PRKD1: variants seen among roughly 807,000 people sequenced by gnomAD.
PRKD1 encodes the protein protein kinase D1, also known as serine/threonine-protein kinase D1.
In PRKD1, 63 loss-of-function variants were observed where a neutral mutation model predicts 95.9. That is an observed-to-expected ratio of 0.66 (90% CI 0.54 to 0.81). The LOEUF (loss-of-function observed/expected upper bound fraction) is 0.81, where lower values mean the gene tolerates loss of function less well. Among genes scored for constraint, PRKD1 ranks in the 30% least tolerant of loss-of-function variants. The pLI, the probability that PRKD1 is intolerant of heterozygous loss-of-function variation, is 0.00. For missense variants in PRKD1, 1,048 were observed against 1,165.3 expected, an observed-to-expected ratio of 0.90 and a Z score of 1.47; for synonymous variants, 425 against 423.1, an observed-to-expected ratio of 1.00 and a Z score of -0.05.
chr14:29,876,159 C>A (rs977480893), intron 1 of PRKD1, among the ~76,000 whole-genome samples: 1 of 152,220 alleles, frequency 6.6e-6, no homozygotes, highest in African/African-American at 2.4e-5. Flanking sequence ...ATTCACTATT[C>A]AAACATTCTC....
intron 1 of PRKD1, among the ~76,000 whole-genome samples, chr14:29,838,403 T>C (rs752009020): frequency 2.8e-4 from 43 of 152,292 alleles, no homozygotes; most frequent in Admixed American, 5.9e-4. Context: ...ATTAAGGAAT[T>C]AAAAATTACA....
chr14:29,663,516 T>C (rs965086519), intron 4 of PRKD1, among the ~76,000 whole-genome samples, 183 bp downstream of exon 4: 2 of 152,118 alleles, frequency 1.3e-5, no homozygotes, highest in African/African-American at 4.8e-5. Context: ...AAAAGCAAAC[T>C]CAAAACTGTT....
chr14:29,600,981 AC>A (rs1893496295), intron 13 of PRKD1, among the ~76,000 whole-genome samples: 1 of 152,230 alleles, frequency 6.6e-6, no homozygotes, highest in African/African-American at 2.4e-5. Flanking sequence ...ATCATCATGA[AC>A]AAAAACCACC....
chr14:29,661,134 A>G (rs1371842102), intron 4 of PRKD1, among the ~76,000 whole-genome samples: 2 of 152,210 alleles, frequency 1.3e-5, no homozygotes, highest in East Asian at 3.9e-4. Context: ...ATGGATAAAC[A>G]AACAGAATTA....
chr14:29,615,734 G>C (rs928259448), intron 13 of PRKD1, among the ~76,000 whole-genome samples: 1 of 152,136 alleles, frequency 6.6e-6, no homozygotes, highest in African/African-American at 2.4e-5. Context: ...CGGCCCAAAG[G>C]CTCAGCAAAT....
intron 1 of PRKD1, among the ~76,000 whole-genome samples, chr14:29,883,772 G>T (rs1283059406): frequency 1.3e-5 from 2 of 152,150 alleles, no homozygotes; most frequent in African/African-American, 2.4e-5. Flanking sequence ...AGACCCCCAA[G>T]ATTGGAAACA....
chr14:29,877,037 A>C (rs2139388097), intron 1 of PRKD1, among the ~76,000 whole-genome samples: 1 of 152,276 alleles, frequency 6.6e-6, no homozygotes, highest in East Asian at 1.9e-4. Flanking sequence ...CTGTAACCCC[A>C]ACTACTCGCG....
At chr14:29,906,217 G>A (rs1179993514) in intron 1 of PRKD1, among the ~76,000 whole-genome samples, 5 of 152,026 alleles carry the variant, frequency 3.3e-5, no homozygotes, top group Admixed American at 1.3e-4. Flanking sequence ...ATTTTTTAAA[G>A]TAAGCGTTAA....
chr14:29,631,516 C>A (rs1478812688), intron 9 of PRKD1, among the ~76,000 whole-genome samples: 2 of 129,580 alleles, frequency 1.5e-5, no homozygotes, highest in African/African-American at 6.6e-5. Context: ...TTTTTTTTTT[C>A]CAAGAAAGAA....
chr14:29,686,563 G>A (rs1047255556), intron 2 of PRKD1, among the ~76,000 whole-genome samples: 8 of 152,176 alleles, frequency 5.3e-5, no homozygotes, highest in African/African-American at 1.7e-4. Context: ...TGGGGCTGGG[G>A]CCTTGCTATT....
intron 1 of PRKD1, among the ~76,000 whole-genome samples, chr14:29,884,926 T>C (rs1467535040): frequency 6.6e-6 from 1 of 151,866 alleles, no homozygotes; most frequent in African/African-American, 2.4e-5. Context: ...ATCAAGACCA[T>C]CCTGGCTAAC....
At chr14:29,670,082 A>T (rs928488696) in intron 2 of PRKD1, among the ~76,000 whole-genome samples, 3 of 152,228 alleles carry the variant, frequency 2.0e-5, no homozygotes, top group African/African-American at 7.2e-5. Flanking sequence ...GCTAAAAGCA[A>T]GCCTTTAAAA....
At chr14:29,896,510 C>A (rs978487897) in intron 1 of PRKD1, among the ~76,000 whole-genome samples, 1 of 151,932 alleles carries the variant, frequency 6.6e-6, no homozygotes, top group East Asian at 1.9e-4. Context: ...AGTAAATCAT[C>A]AGAAAAATAA....
intron 1 of PRKD1, among the ~76,000 whole-genome samples, chr14:29,871,989 T>G (rs1893124919): frequency 6.6e-6 from 1 of 152,220 alleles, no homozygotes; most frequent in Non-Finnish European, 1.5e-5. Flanking sequence ...CACCTGCATA[T>G]ATGGAAAATG....
At chr14:29,828,490 A>C (rs1891282630) in intron 1 of PRKD1, among the ~76,000 whole-genome samples, 1 of 152,138 alleles carries the variant, frequency 6.6e-6, no homozygotes, top group South Asian at 2.1e-4. Context: ...ACATTTCGAC[A>C]GGAGACTTGG....
At chr14:29,924,645 T>C (rs917815417) in intron 1 of PRKD1, among the ~76,000 whole-genome samples, 7 of 152,208 alleles carry the variant, frequency 4.6e-5, no homozygotes, top group Admixed American at 1.3e-4. Flanking sequence ...TCCACACGAC[T>C]TCAGCCCACA....
At chr14:29,830,649 A>G (rs1891368704) in intron 1 of PRKD1, among the ~76,000 whole-genome samples, 2 of 152,118 alleles carry the variant, frequency 1.3e-5, no homozygotes, top group African/African-American at 4.8e-5. Flanking sequence ...AAATATACTA[A>G]GCTTAACATA....
chr14:29,609,867 T>C (rs1023990112), intron 13 of PRKD1, among the ~76,000 whole-genome samples: 3 of 151,898 alleles, frequency 2.0e-5, no homozygotes, highest in African/African-American at 2.4e-5. Flanking sequence ...CCAAAAACCA[T>C]GTATATTCAA....
chr14:29,606,690 T>C (rs920246481), intron 13 of PRKD1, among the ~76,000 whole-genome samples: 6 of 152,206 alleles, frequency 3.9e-5, no homozygotes, highest in Non-Finnish European at 7.3e-5. Flanking sequence ...CTCATTTACA[T>C]TGTGAAAACC....
Sources: allele counts gnomAD v4.1 joint callset (sites outside exome capture counted in the v4.1 genomes callset), GRCh38; gene constraint gnomAD v4.1.1; transcripts MANE v1.5; gene names NCBI Gene and HGNC (gene_info 2026-07-23, HGNC 2026-07-21).